Variants in NPHP4 observed in about 807,000 individuals in gnomAD.
NPHP4 encodes the protein nephrocystin-4.
Under a neutral mutation model 155.8 loss-of-function variants are expected in NPHP4, and 151 were observed. The observed-to-expected ratio is 0.97, with a 90% confidence interval of 0.85 to 1.11. The LOEUF is 1.11. Ranked by LOEUF, NPHP4 falls within the 50% of genes least tolerant of loss-of-function variation. NPHP4 has a pLI of 0.00. For synonymous variants in NPHP4, 845 were observed against 816.8 expected (o/e 1.03, Z -0.59); for missense variants, 1,956 against 1,925.7 (o/e 1.02, Z -0.29).
At position 5,890,994 on chromosome 1, in the gene NPHP4, G is replaced by T; in HGVS notation, c.2178C>A (p.Gly726=). ...SPGFQLRYMV[G]PGFLKPGERR... is the part of the protein sequence containing the mutation. The stretch of plus-strand genomic sequence containing the variant: ...GCTCACCTGGCTTCAGGAACCCAGG[G>T]CCCACCATGTACCTCAGCTGGAAGC... The change falls in exon 17 of 30, where the codon GGC becomes GGA. Residue 726 remains glycine (G), a synonymous_variant. Transcript: ENST00000378156. The surrounding 1 kb of genome is among the most constrained non-coding windows in gnomAD (Gnocchi z 4.9). 6.3e-7 allele frequency: 1 copy of T among 1,575,334 alleles called. No individual in the cohort carries two copies.
At chr1:5,917,530 T>C (rs1219884643) in intron 11 of NPHP4, among the ~76,000 whole-genome samples, 1 of 152,178 alleles carries the variant, frequency 6.6e-6, no homozygotes, top group African/African-American at 2.4e-5. Flanking sequence ...TTCTGACACA[T>C]GAGCCAATAC....
At chr1:5,961,315 G>C (rs1017613753) in intron 6 of NPHP4, among the ~76,000 whole-genome samples, 10 of 152,224 alleles carry the variant, frequency 6.6e-5, no homozygotes, top group Non-Finnish European at 1.5e-4. Context: ...AAAGAGCTCA[G>C]GGATGGATGG....
chr1:5,965,432 T>C (rs1413897861), intron 5 of NPHP4, among the ~76,000 whole-genome samples: 1 of 152,100 alleles, frequency 6.6e-6, no homozygotes, highest in Non-Finnish European at 1.5e-5. Context: ...GCTGTCTACT[T>C]TGTTCTCAGG....
intron 3 of NPHP4, among the ~76,000 whole-genome samples, chr1:5,971,490 C>G (rs965930371): frequency 6.6e-6 from 1 of 152,172 alleles, no homozygotes; most frequent in South Asian, 2.1e-4. Context: ...GAATTTATAA[C>G]GAACCTGGAA....
chr1:5,901,090 G>C (rs561791352), intron 16 of NPHP4, among the ~76,000 whole-genome samples: 1 of 152,138 alleles, frequency 6.6e-6, no homozygotes, highest in Non-Finnish European at 1.5e-5. Flanking sequence ...CAAAATGTTA[G>C]TAATAGGGGA....
At position 5,876,389 on chromosome 1, in the gene NPHP4, G is replaced by A. The variant is rs149333278; in HGVS notation, c.2817+704C>T. The stretch of plus-strand genomic sequence containing the variant: ...GGATCAGGCCAGGCCTCCTCACCCC[G>A]TGTCTTCTCACCATGCCTCTTCCTC... On this transcript the variant is annotated intron_variant, in intron 20 of 29. Coordinates refer to ENST00000378156, the MANE Select transcript of NPHP4 (RefSeq NM_015102.5). 748 of 152,738 alleles carry A rather than the reference G, an allele frequency of 4.9e-3. 3 individuals are homozygous for A. The highest frequency in any genetic ancestry group is 0.017 in the African/African-American group (714 of 41,570). 9.5% of individuals were successfully genotyped at this position (152,738 alleles called of 1,614,324 possible).
chr1:5,899,347 C>T (rs1446241459), intron 16 of NPHP4, among the ~76,000 whole-genome samples: 3 of 152,170 alleles, frequency 2.0e-5, no homozygotes, highest in South Asian at 2.1e-4. Context: ...AACGCTACTG[C>T]TATAGACAGA....
chr1:5,874,533 C>G lies in NPHP4; in HGVS notation c.3169G>C (p.Glu1057Gln). Residue 1057 changes from glutamate (E) to glutamine (Q), a missense_variant, in exon 22 of 30, where the codon GAG becomes CAG. Glu to Gln is a conservative substitution (Grantham distance 29). Coordinates refer to ENST00000378156, the MANE Select transcript of NPHP4 (RefSeq NM_015102.5). Reference protein sequence around the residue: ...LAPQLYLRPHETAHVPFKFQS... With the variant: ...LAPQLYLRPHQTAHVPFKFQS... The stretch of plus-strand genomic sequence containing the variant: ...AACTTGAAGGGGACGTGGGCGGTCT[C>G]GTGGGGGCGCAGGTAGAGCTGGGGG... The G allele has an allele frequency of 6.3e-7, 1 of 1,594,494 alleles. No individual in the cohort carries two copies. The highest frequency in any genetic ancestry group is 8.5e-7 in the Non-Finnish European group (1 of 1,171,062).
At chr1:5,900,485 T>C (rs1485954023) in intron 16 of NPHP4, among the ~76,000 whole-genome samples, 2 of 152,112 alleles carry the variant, frequency 1.3e-5, no homozygotes, top group African/African-American at 2.4e-5. Context: ...TAATTCCAGC[T>C]GTATGACATT....
chr1:5,897,192 T>C (rs1644436272), intron 16 of NPHP4, among the ~76,000 whole-genome samples: 1 of 152,138 alleles, frequency 6.6e-6, no homozygotes, highest in Non-Finnish European at 1.5e-5. Context: ...TTAGACAAAT[T>C]ACCATTTCAA....
At chr1:5,975,728 T>C (rs1653435793) in intron 3 of NPHP4, among the ~76,000 whole-genome samples, 1 of 152,202 alleles carries the variant, frequency 6.6e-6, no homozygotes, top group Non-Finnish European at 1.5e-5. Flanking sequence ...ACAGGCAGCA[T>C]GACACGCAGC....
rs762501718 is a variant in NPHP4, at chr1:5,902,127, G to A, written c.2143+2490C>T. Among the ~76,000 whole-genome samples, 11 of 152,330 alleles carry A rather than the reference G, an allele frequency of 7.2e-5. 1 individual carries two copies. In the South Asian group the frequency reaches 2.1e-3, roughly 29 times the overall value. The stretch of plus-strand genomic sequence containing the variant: ...CTGCCCAGCCCCCATGCCTCTCAGG[G>A]CAAGAGCAGCTCAACTGACTGGGGA... On this transcript the variant is annotated intron_variant, in intron 16 of 29. Transcript: ENST00000378156.
rs372662293 is a variant in NPHP4 at position 5,874,937 on chromosome 1, A to G, written c.2981T>C (p.Val994Ala). The G allele has an allele frequency of 2.4e-5, 38 of 1,613,534 alleles. No individual in the cohort carries two copies. Among genetic ancestry groups the G allele is most frequent in the Non-Finnish European group, 2.7e-5 (32 of 1,179,876 alleles). The change falls in exon 21 of 30, where the codon GTG becomes GCG. Residue 994 changes from valine (V) to alanine (A), a missense_variant. By Grantham distance (64) the Val-to-Ala change is moderately conservative (BLOSUM62 0). Transcript: ENST00000378156. ...TLGVAEFFEF[V>A]LKNPHNTQHT... ...CTGTGTGTTGTGGGGGTTCTTAAGC[A>G]CAAACTCAAAGAACTCGGCGACCCC...
At chr1:5,902,949 G>A (rs1644748726) in intron 16 of NPHP4, among the ~76,000 whole-genome samples, 1 of 152,186 alleles carries the variant, frequency 6.6e-6, no homozygotes. Context: ...GCCAGAGAAA[G>A]TTATAAAATT....
chr1:5,938,379 C>T (rs996177800), intron 9 of NPHP4, among the ~76,000 whole-genome samples: 6 of 152,216 alleles, frequency 3.9e-5, no homozygotes, highest in Non-Finnish European at 1.5e-5. Context: ...GCAGGAAGAA[C>T]CAGGAGCCCA....
intron 11 of NPHP4, among the ~76,000 whole-genome samples, chr1:5,925,989 T>G (rs572141230): frequency 2.6e-5 from 4 of 152,332 alleles, no homozygotes; most frequent in African/African-American, 9.6e-5. Context: ...TCCTATGCCT[T>G]GAATGCATTC....
At chr1:5,909,730 C>G (rs1645085659) in intron 11 of NPHP4, among the ~76,000 whole-genome samples, 2 of 152,146 alleles carry the variant, frequency 1.3e-5, no homozygotes, top group Admixed American at 1.3e-4. Context: ...CCCGGTAACA[C>G]TGGGAGGCGC....
intron 23 of NPHP4, among the ~76,000 whole-genome samples, chr1:5,869,715 C>T (rs1471506835): frequency 1.3e-5 from 2 of 152,136 alleles, no homozygotes; most frequent in African/African-American, 4.8e-5. Context: ...TATACACGTA[C>T]ATAAAGATGG....
At position 5,892,751 on chromosome 1, in the gene NPHP4, C is replaced by G. The variant is rs143943078; in HGVS notation, c.2144-1723G>C. Among the ~76,000 whole-genome samples the G allele has an allele frequency of 7.0e-4, 106 of 152,252 alleles. No homozygotes were observed. The highest frequency in any genetic ancestry group is 2.3e-3 in the African/African-American group (96 of 41,530). On this transcript the variant is annotated intron_variant, in intron 16 of 29. Transcript: ENST00000378156. This position sits in a 1 kb window ranked among gnomAD's most constrained non-coding sequence, Gnocchi z 4.5. ...GCTCCTCCGTGGCCACCCCTGAGGT[C>G]CAAGCTCCCCACAGTCCACCCTGTG...
Sources: allele counts gnomAD v4.1 joint callset (sites outside exome capture counted in the v4.1 genomes callset), GRCh38; gene constraint gnomAD v4.1.1; non-coding constraint Gnocchi (gnomAD v3.1); transcripts MANE v1.5; gene names NCBI Gene and HGNC (gene_info 2026-07-23, HGNC 2026-07-21).